ENPP3: variants seen among roughly 807,000 people sequenced by gnomAD.
ENPP3 encodes ectonucleotide pyrophosphatase/phosphodiesterase family member 3.
A neutral mutation model predicts 117.8 loss-of-function variants in ENPP3; 104 were observed. That is an observed-to-expected ratio of 0.88 (90% CI 0.75 to 1.04). The LOEUF (loss-of-function observed/expected upper bound fraction) is 1.04, where lower values mean the gene tolerates loss of function less well. Among genes scored for constraint, ENPP3 ranks in the 50% least tolerant of loss-of-function variants. The pLI, the probability that ENPP3 is intolerant of heterozygous loss-of-function variation, is 0.00. For missense variants in ENPP3, 1,026 were observed against 1,051.9 expected, an observed-to-expected ratio of 0.98 and a Z score of 0.34; for synonymous variants, 380 against 349.9, an observed-to-expected ratio of 1.09 and a Z score of -0.96.
At chr6:131,689,079 GA>G (rs1250910209) in intron 14 of ENPP3, among the ~76,000 whole-genome samples, 6 of 151,770 alleles carry the variant, frequency 4.0e-5, no homozygotes, top group Admixed American at 3.9e-4. Flanking sequence ...GAGAGAGAGA[GA>G]AAAAAAGAAG....
chr6:131,716,885 C>T (rs56225611), intron 15 of ENPP3, among the ~76,000 whole-genome samples: 2 of 142,034 alleles, frequency 1.4e-5, no homozygotes, highest in South Asian at 2.4e-4. Flanking sequence ...GCAGGAGAAT[C>T]GCTTGAACCC....
chr6:131,682,438 G>A (rs1779042738), intron 11 of ENPP3, among the ~76,000 whole-genome samples: 1 of 152,146 alleles, frequency 6.6e-6, no homozygotes, highest in South Asian at 2.1e-4. Context: ...AAGCTGCAGT[G>A]AGCTGTGATT....
At chr6:131,733,311 A>T (rs1780325029) in intron 20 of ENPP3, among the ~76,000 whole-genome samples, 1 of 152,194 alleles carries the variant, frequency 6.6e-6, no homozygotes. Flanking sequence ...TTTTAGGAAT[A>T]GTTCCCATTA....
At chr6:131,692,816 TATATG>T (rs1249739356) in intron 14 of ENPP3, among the ~76,000 whole-genome samples, 6 of 144,346 alleles carry the variant, frequency 4.2e-5, no homozygotes, top group South Asian at 2.1e-4. Context: ...TGATATATGA[TATATG>T]ATATGATATG....
intron 7 of ENPP3, among the ~76,000 whole-genome samples, chr6:131,673,381 T>C (rs1437453412): frequency 6.6e-6 from 1 of 152,116 alleles, no homozygotes; most frequent in Non-Finnish European, 1.5e-5. Flanking sequence ...CAAGCTCATG[T>C]TTTTTGTGGG....
intron 2 of ENPP3, 50 bp from the exon 3 acceptor site, chr6:131,649,977 G>A (rs1252242783): frequency 6.2e-7 from 1 of 1,609,890 alleles, no homozygotes; most frequent in African/African-American, 1.3e-5. Context: ...TTAGGTATGA[G>A]ATATTGAATA....
At chr6:131,720,431 A>C in intron 17 of ENPP3, 52 bp downstream of exon 17, 1 of 920,514 alleles carries the variant, frequency 1.1e-6, no homozygotes. Flanking sequence ...TTTTAAATAT[A>C]TGTGATTTGA....
In ENPP3 at chr6:131,638,625, C is replaced by T. The variant is rs546180202; in HGVS notation, c.78+1163C>T. The T allele has an allele frequency of 1.2e-5, 4 of 337,188 alleles. No homozygotes were observed. The East Asian group carries it at 3.4e-4, about 29-fold the overall frequency. The allele number at this position is 337,188 out of a possible 1,614,324, so 20.9% of individuals were successfully genotyped here. A position where few individuals can be genotyped will look rare whatever the true frequency, so the allele number is the denominator to read the frequency against. Reference sequence around the variant, plus strand: ...TTTTTTTGTAGAGACTGGGTTTCACCATGTTGCCCAGGCTGGTCTCAAACT... The same window carrying T: ...TTTTTTTGTAGAGACTGGGTTTCACTATGTTGCCCAGGCTGGTCTCAAACT... On this transcript the variant is annotated intron_variant, in intron 1 of 24. Coordinates refer to ENST00000357639, the MANE Select transcript of ENPP3 (RefSeq NM_005021.5).
intron 14 of ENPP3, among the ~76,000 whole-genome samples, chr6:131,686,234 T>A (rs1486706891): frequency 5.3e-5 from 8 of 152,214 alleles, no homozygotes; most frequent in Non-Finnish European, 1.5e-5. Flanking sequence ...GTGACTAATA[T>A]AAGAGGATAG....
intron 15 of ENPP3, chr6:131,701,362 G>C: frequency 6.2e-7 from 1 of 1,613,900 alleles, no homozygotes; most frequent in Middle Eastern, 1.7e-4. Context: ...GGAAATCCCA[G>C]TAGGAGGAAC....
intron 6 of ENPP3, among the ~76,000 whole-genome samples, chr6:131,661,278 G>A (rs9493039): frequency 0.04 from 5,994 of 151,720 alleles, 394 homozygotes; most frequent in African/African-American, 0.14. Flanking sequence ...TTATTTTTAC[G>A]TTTTTGAGAA....
chr6:131,688,498 GA>G (rs2114435788), intron 14 of ENPP3, among the ~76,000 whole-genome samples: 1 of 152,262 alleles, frequency 6.6e-6, no homozygotes, highest in Non-Finnish European at 1.5e-5. Flanking sequence ...CATAACAAAA[GA>G]AAAGTTCTTG....
intron 6 of ENPP3, among the ~76,000 whole-genome samples, chr6:131,668,056 G>T (rs2114364787): frequency 6.6e-6 from 1 of 152,106 alleles, no homozygotes; most frequent in Admixed American, 6.5e-5. Flanking sequence ...TAAAATGAAA[G>T]TACCTATTTT....
intron 6 of ENPP3, among the ~76,000 whole-genome samples, chr6:131,664,956 A>G (rs534947361): frequency 1.3e-5 from 2 of 152,278 alleles, no homozygotes; most frequent in South Asian, 4.1e-4. Flanking sequence ...AGCTTTTATC[A>G]TGAAAGGGTG....
At position 131,726,212 on chromosome 6, in the gene ENPP3, A is replaced by T. The variant is rs1780152268; in HGVS notation, c.1953+12A>T. The stretch of plus-strand genomic sequence containing the variant: ...CAGTCCCCCAGTTGGTAAGTTCCTG[A>T]GTCCATTGATCCATGCAGGCAAGAA... On this transcript the variant is annotated intron_variant, in intron 20 of 24. Transcript: ENST00000357639. The T allele has an allele frequency of 6.2e-7, 1 of 1,611,366 alleles. No individual in the cohort carries two copies. Among genetic ancestry groups the T allele is most frequent in the South Asian group, 1.1e-5 (1 of 90,866 alleles).
chr6:131,726,726 G>T (rs1298751345), intron 20 of ENPP3, among the ~76,000 whole-genome samples: 1 of 152,124 alleles, frequency 6.6e-6, no homozygotes, highest in Non-Finnish European at 1.5e-5. Context: ...AATGCATTAT[G>T]TCACAGATCT....
At position 131,693,564 on chromosome 6, in the gene ENPP3, C is replaced by A. The variant is rs762082474; in HGVS notation, c.1352C>A (p.Ala451Asp). ...GATTTGCCAAAGCGACTGCACTATG[C>A]CAAGAACGTCAGAATCGACAAAGTT... ...TPDLPKRLHY[A>D]KNVRIDKVHL... The change falls in exon 15 of 25, where the codon GCC becomes GAC. Residue 451 changes from alanine (A) to aspartate (D), a missense_variant. Physicochemically the swap from Ala to Asp is moderately radical, Grantham distance 126 (BLOSUM62 -2). Transcript: ENST00000357639. 7 of 1,613,634 alleles carry A rather than the reference C, an allele frequency of 4.3e-6. No individual in the cohort carries two copies. Among genetic ancestry groups the A allele is most frequent in the Non-Finnish European group, 5.9e-6 (7 of 1,179,794 alleles).
chr6:131,707,089 A>C (rs1779658062), intron 15 of ENPP3, among the ~76,000 whole-genome samples: 1 of 150,148 alleles, frequency 6.7e-6, no homozygotes, highest in African/African-American at 2.4e-5. Context: ...TGGTAGTTTT[A>C]AAATTATGAA....
Position 131,740,276 on chromosome 6 carries a change from A to G in ENPP3, c.2353A>G (p.Thr785Ala). 1.2e-6 allele frequency: 2 copies of G among 1,613,232 alleles called. No homozygotes were observed. Among genetic ancestry groups the G allele is most frequent in the Non-Finnish European group, 1.7e-6 (2 of 1,179,534 alleles). Residue 785 changes from threonine to alanine, a missense_variant, in exon 24 of 25, where the codon ACC (threonine) becomes GCC (alanine). Transcript: ENST00000357639. ...PIPTHYFVVL[T>A]SCKNKSHTPE... ...CCCAACACACTACTTTGTGGTGCTG[A>G]CCAGTTGTAAAAACAAGAGCCACAC... is the stretch of plus-strand genomic sequence containing the variant.
Sources: allele counts gnomAD v4.1 joint callset (sites outside exome capture counted in the v4.1 genomes callset), GRCh38; gene constraint gnomAD v4.1.1; transcripts MANE v1.5; gene names NCBI Gene and HGNC (gene_info 2026-07-23, HGNC 2026-07-21).